Variants in LOC128125818 observed in about 807,000 individuals in gnomAD.
At chr4:6,069,960 T>C in the LOC128125818 span, 1 of 396,448 alleles carries the variant, frequency 2.5e-6, no homozygotes, top group Non-Finnish European at 4.4e-6. The surrounding 1 kb of genome is among the most constrained non-coding windows in gnomAD (Gnocchi z 4.5). Flanking sequence ...CCTATCATTT[T>C]CAACAGAGCC....
the LOC128125818 span, among the ~76,000 whole-genome samples, chr4:6,065,684 G>A: frequency 1.3e-4 from 20 of 152,294 alleles, no homozygotes; most frequent in East Asian, 7.7e-4. The surrounding 1 kb of genome is among the most constrained non-coding windows in gnomAD (Gnocchi z 5.1). Flanking sequence ...ACCTTCACAC[G>A]ACCATCACTC....
At chr4:6,070,140 A>G in the LOC128125818 span, 2 of 398,734 alleles carry the variant, frequency 5.0e-6, no homozygotes, top group Non-Finnish European at 8.8e-6. Flanking sequence ...AGAGAAGTAC[A>G]GCACAAAGAG....
chr4:6,068,181 A>G, the LOC128125818 span, among the ~76,000 whole-genome samples: 1 of 151,858 alleles, frequency 6.6e-6, no homozygotes, highest in Non-Finnish European at 1.5e-5. Context: ...GCTGCCGAAA[A>G]CCCTACAGGA....
chr4:6,068,614 G>A, the LOC128125818 span, among the ~76,000 whole-genome samples: 1 of 147,068 alleles, frequency 6.8e-6, no homozygotes, highest in African/African-American at 2.5e-5. Context: ...CTGGAGAGCA[G>A]TAGTGCAATC....
chr4:6,067,624 G>C, the LOC128125818 span, among the ~76,000 whole-genome samples: 681 of 104,304 alleles, frequency 6.5e-3, no homozygotes, highest in Middle Eastern at 0.037. The surrounding 1 kb of genome is among the most constrained non-coding windows in gnomAD (Gnocchi z 4.6). Flanking sequence ...CTGAGCTCCA[G>C]GTTCACTCAA....
chr4:6,066,118 G>T, the LOC128125818 span, among the ~76,000 whole-genome samples: 1 of 152,040 alleles, frequency 6.6e-6, no homozygotes, highest in Non-Finnish European at 1.5e-5. Context: ...AGGCTCTGCT[G>T]GCTCATCCAA....
the LOC128125818 span, chr4:6,070,009 G>A: frequency 2.5e-6 from 1 of 398,432 alleles, no homozygotes; most frequent in Admixed American, 4.4e-5. Flanking sequence ...CCACAGCCAG[G>A]GACCGCCAGA....
At chr4:6,069,232 A>G in the LOC128125818 span, among the ~76,000 whole-genome samples, 1 of 152,206 alleles carries the variant, frequency 6.6e-6, no homozygotes, top group Admixed American at 6.5e-5. This position sits in a 1 kb window ranked among gnomAD's most constrained non-coding sequence, Gnocchi z 4.5. Context: ...TTTAAAAAAA[A>G]TGGCAAACAT....
At chr4:6,070,162 T>C in the LOC128125818 span, 1 of 398,708 alleles carries the variant, frequency 2.5e-6, no homozygotes, top group Non-Finnish European at 4.4e-6. Flanking sequence ...ACATATTCCA[T>C]GGTGGCGTGA....
At chr4:6,067,459 C>T in the LOC128125818 span, among the ~76,000 whole-genome samples, 2 of 152,178 alleles carry the variant, frequency 1.3e-5, no homozygotes, top group African/African-American at 4.8e-5. This position sits in a 1 kb window ranked among gnomAD's most constrained non-coding sequence, Gnocchi z 4.6. Context: ...CTCAAATCTC[C>T]CCTCTGGATG....
chr4:6,065,034 T>C, the LOC128125818 span: 15 of 1,613,668 alleles, frequency 9.3e-6, no homozygotes, highest in South Asian at 1.6e-4. The surrounding 1 kb of genome is among the most constrained non-coding windows in gnomAD (Gnocchi z 5.1). Context: ...TGTATGATGT[T>C]AGCAACGACT....
chr4:6,067,556 C>A, the LOC128125818 span, among the ~76,000 whole-genome samples: 1 of 149,862 alleles, frequency 6.7e-6, no homozygotes, highest in African/African-American at 2.5e-5. The surrounding 1 kb of genome is among the most constrained non-coding windows in gnomAD (Gnocchi z 4.6). Flanking sequence ...GACAATGGCA[C>A]CCACGGGAGT....
chr4:6,066,180 C>A, the LOC128125818 span, among the ~76,000 whole-genome samples: 5 of 152,102 alleles, frequency 3.3e-5, no homozygotes, highest in African/African-American at 1.2e-4. Flanking sequence ...CCCAGGCACT[C>A]CCCACATACT....
At chr4:6,065,810 A>T in the LOC128125818 span, among the ~76,000 whole-genome samples, 1 of 152,132 alleles carries the variant, frequency 6.6e-6, no homozygotes, top group African/African-American at 2.4e-5. The surrounding 1 kb of genome is among the most constrained non-coding windows in gnomAD (Gnocchi z 5.1). Flanking sequence ...CTATCAATTC[A>T]TTCACTCAGA....
the LOC128125818 span, among the ~76,000 whole-genome samples, chr4:6,067,754 G>T: frequency 7.9e-6 from 1 of 126,908 alleles, no homozygotes; most frequent in Non-Finnish European, 1.6e-5. The surrounding 1 kb of genome is among the most constrained non-coding windows in gnomAD (Gnocchi z 4.6). Context: ...GCACACGCAG[G>T]TCACCCCCCT....
At chr4:6,065,856 G>A in the LOC128125818 span, among the ~76,000 whole-genome samples, 3 of 152,150 alleles carry the variant, frequency 2.0e-5, no homozygotes, top group Admixed American at 6.5e-5. This position sits in a 1 kb window ranked among gnomAD's most constrained non-coding sequence, Gnocchi z 5.1. Flanking sequence ...GGCCAGACAC[G>A]GGGCAGGCCT....
the LOC128125818 span, among the ~76,000 whole-genome samples, chr4:6,065,210 C>T: frequency 4.6e-4 from 70 of 152,310 alleles, 2 homozygotes; most frequent in South Asian, 0.014. This position sits in a 1 kb window ranked among gnomAD's most constrained non-coding sequence, Gnocchi z 5.1. Flanking sequence ...CTAGGGTTTA[C>T]AGCCTGAGCG....
the LOC128125818 span, chr4:6,065,060 C>A: frequency 6.2e-7 from 1 of 1,610,306 alleles, no homozygotes; most frequent in South Asian, 1.1e-5. This position sits in a 1 kb window ranked among gnomAD's most constrained non-coding sequence, Gnocchi z 5.1. Flanking sequence ...TTGCCAGAGT[C>A]TACCAGTCCC....
At chr4:6,065,205 G>T in the LOC128125818 span, among the ~76,000 whole-genome samples, 13 of 152,322 alleles carry the variant, frequency 8.5e-5, no homozygotes, top group South Asian at 2.3e-3. The surrounding 1 kb of genome is among the most constrained non-coding windows in gnomAD (Gnocchi z 5.1). Flanking sequence ...TGACCCTAGG[G>T]TTTACAGCCT....
Sources: allele counts gnomAD v4.1 joint callset (sites outside exome capture counted in the v4.1 genomes callset), GRCh38; gene constraint gnomAD v4.1.1; non-coding constraint Gnocchi (gnomAD v3.1); transcripts MANE v1.5.